The following KCNQ3 variants were observed in gnomAD, a reference collection of about 807,000 sequenced individuals.
KCNQ3 encodes the protein potassium voltage-gated channel subfamily KQT member 3.
KCNQ3 carries 30 observed loss-of-function variants against 92.5 expected under a neutral mutation model. The ratio of observed to expected loss-of-function variants is 0.32; its 90% CI spans 0.24 to 0.44. The LOEUF (loss-of-function observed/expected upper bound fraction) is 0.44. KCNQ3 is among the 20% of genes least tolerant of loss of function. The pLI, the probability that KCNQ3 is intolerant of heterozygous loss-of-function variation, is 1.00. For missense variants in KCNQ3, 913 were observed against 1,140.3 expected (o/e 0.80, Z 2.87); for synonymous variants, 450 against 468.8 (o/e 0.96, Z 0.52).
chr8:132,189,102 C>T lies in KCNQ3; in HGVS notation c.387-2921G>A, dbSNP rs77797895. On this transcript the variant is annotated intron_variant, in intron 1 of 14. Transcript: ENST00000388996. ...GCTGCTTCCCCACATCCAGGCTGGT[C>T]GTAGGAATGACAGAACTTCCTCAAA... Among the ~76,000 whole-genome samples the T allele has an allele frequency of 3.9e-5, 6 of 152,268 alleles. No individual in the cohort carries two copies. In the South Asian group the frequency reaches 1.0e-3, roughly 26 times the overall value.
chr8:132,141,797 T>C (rs1296649490), intron 9 of KCNQ3, among the ~76,000 whole-genome samples: 1 of 152,198 alleles, frequency 6.6e-6, no homozygotes, highest in Non-Finnish European at 1.5e-5. Context: ...GCAGCACTCT[T>C]AATTTGGTGT....
chr8:132,346,547 C>T lies in KCNQ3; in HGVS notation c.386+133600G>A, dbSNP rs1381691567. Among the ~76,000 whole-genome samples the T allele has an allele frequency of 8.5e-5, 13 of 152,296 alleles. No homozygotes were observed. The East Asian group carries it at 1.9e-3, about 23-fold the overall frequency. On this transcript the variant is annotated intron_variant, in intron 1 of 14. Transcript: ENST00000388996. ...CACCACTCTCCATCACAGCTAAAAG[C>T]TTGCCTTGCCATTTCTTTGCCCTCT...
At chr8:132,136,861 ACT>A (rs1491284439) in intron 12 of KCNQ3, among the ~76,000 whole-genome samples, 9 of 138,444 alleles carry the variant, frequency 6.5e-5, no homozygotes, top group Non-Finnish European at 1.1e-4. Flanking sequence ...CGGCTGCATA[ACT>A]TTTTTTTTTT....
chr8:132,438,125 ATTC>A lies in KCNQ3; in HGVS notation c.386+42019_386+42021del, dbSNP rs781492456. Among the ~76,000 whole-genome samples the A allele has an allele frequency of 1.9e-4, 29 of 152,368 alleles. No individual in the cohort carries two copies. In the Middle Eastern group the frequency reaches 0.017, roughly 89 times the overall value. On this transcript the variant is annotated intron_variant, in intron 1 of 14. Coordinates refer to ENST00000388996, the MANE Select transcript of KCNQ3 (RefSeq NM_004519.4). ...TTTGTAAGGACTCAATTATTAGGTGATTCTTCTTATGAGAAATACATTTAGGAA... is the reference window on the plus strand; with the variant it reads ...TTTGTAAGGACTCAATTATTAGGTGATTCTTATGAGAAATACATTTAGGAA...
chr8:132,183,935 C>A (rs1379533062), intron 3 of KCNQ3, among the ~76,000 whole-genome samples: 1 of 152,136 alleles, frequency 6.6e-6, no homozygotes, highest in African/African-American at 2.4e-5. Flanking sequence ...ACTCCAGGGA[C>A]TGGGGATGCT....
In KCNQ3 at chr8:132,124,124, G is replaced by C. The variant is rs964178850; in HGVS notation, c.*5138C>G. The C allele has an allele frequency of 6.6e-6, 1 of 152,148 alleles. No individual in the cohort carries two copies. The highest frequency in any genetic ancestry group is 1.5e-5 in the Non-Finnish European group (1 of 68,036). 9.4% of individuals were successfully genotyped at this position (152,148 alleles called of 1,614,324 possible). On this transcript the variant is annotated 3_prime_UTR_variant, in exon 15 of 15. Transcript: ENST00000388996. ...TCAGCCACTGAGATCCAACATTCCTGCCTCTCTTCATTCCAAGATTCCTTC... is the reference window on the plus strand; with the variant it reads ...TCAGCCACTGAGATCCAACATTCCTCCCTCTCTTCATTCCAAGATTCCTTC...
intron 1 of KCNQ3, among the ~76,000 whole-genome samples, chr8:132,205,017 A>G (rs1813612094): frequency 6.6e-6 from 1 of 152,176 alleles, no homozygotes; most frequent in East Asian, 1.9e-4. Flanking sequence ...AGGAAAGCTG[A>G]TCCTGGAAGC....
chr8:132,434,542 C>A (rs1015400877), intron 1 of KCNQ3, among the ~76,000 whole-genome samples: 1 of 152,142 alleles, frequency 6.6e-6, no homozygotes, highest in Non-Finnish European at 1.5e-5. Flanking sequence ...TGTGGTCAAC[C>A]TTCTCAGGTA....
intron 9 of KCNQ3, among the ~76,000 whole-genome samples, chr8:132,154,365 G>A (rs62519567): frequency 0.05 from 7,643 of 151,892 alleles, 313 homozygotes; most frequent in Non-Finnish European, 0.074. Context: ...TTCAGGCCAT[G>A]AAACTCCAGT....
intron 1 of KCNQ3, among the ~76,000 whole-genome samples, chr8:132,354,752 T>C (rs1351748621): frequency 6.6e-6 from 1 of 152,264 alleles, no homozygotes; most frequent in African/African-American, 2.4e-5. Context: ...TTCTGCCATA[T>C]AGATCTTGGA....
chr8:132,215,951 C>A (rs1814016921), intron 1 of KCNQ3, among the ~76,000 whole-genome samples: 2 of 152,114 alleles, frequency 1.3e-5, no homozygotes, highest in Non-Finnish European at 2.9e-5. Flanking sequence ...TTTTTGGGAA[C>A]TCAACGTAAG....
intron 1 of KCNQ3, among the ~76,000 whole-genome samples, chr8:132,216,347 C>T (rs1003818814): frequency 2.0e-5 from 3 of 152,212 alleles, no homozygotes; most frequent in Non-Finnish European, 2.9e-5. Flanking sequence ...AAGTGCTGTG[C>T]ACCAGGGCTG....
chr8:132,207,386 G>A lies in KCNQ3; in HGVS notation c.387-21205C>T, dbSNP rs115269471. Among the ~76,000 whole-genome samples, 321 of 152,246 alleles carry A rather than the reference G, an allele frequency of 2.1e-3. 1 individual carries two copies. Among genetic ancestry groups the A allele is most frequent in the African/African-American group, 7.1e-3 (296 of 41,548 alleles). On this transcript the variant is annotated intron_variant, in intron 1 of 14. Transcript: ENST00000388996. ...CACCTGGAATTTGCATTTTAATAGC[G>A]AATAAAGCATTGTGCCAAAGGACTA...
At chr8:132,340,472 G>A (rs886694194) in intron 1 of KCNQ3, among the ~76,000 whole-genome samples, 4 of 152,194 alleles carry the variant, frequency 2.6e-5, no homozygotes, top group Non-Finnish European at 5.9e-5. Flanking sequence ...GGACATGGAT[G>A]AAGCTGGAAG....
At chr8:132,314,026 C>T (rs1473293563) in intron 1 of KCNQ3, among the ~76,000 whole-genome samples, 1 of 152,132 alleles carries the variant, frequency 6.6e-6, no homozygotes, top group Admixed American at 6.5e-5. Flanking sequence ...AGCACAGAGT[C>T]AGGTAAGTTG....
intron 1 of KCNQ3, among the ~76,000 whole-genome samples, chr8:132,355,451 A>C (rs147867479): frequency 4.2e-4 from 64 of 151,594 alleles, no homozygotes; most frequent in Non-Finnish European, 8.5e-4. Flanking sequence ...AGAATAGTTC[A>C]CTCTCTGTCA....
chr8:132,214,334 A>G (rs1414793280), intron 1 of KCNQ3, among the ~76,000 whole-genome samples: 3 of 152,178 alleles, frequency 2.0e-5, no homozygotes, highest in Non-Finnish European at 4.4e-5. Flanking sequence ...AACCAAGCCA[A>G]TATTTCTCTC....
intron 9 of KCNQ3, among the ~76,000 whole-genome samples, chr8:132,157,838 C>T (rs1825853447): frequency 6.6e-6 from 1 of 152,058 alleles, no homozygotes; most frequent in Non-Finnish European, 1.5e-5. Context: ...TGCCCCCCAT[C>T]CACCGACAGG....
At chr8:132,467,907 C>T (rs533142841) in intron 1 of KCNQ3, among the ~76,000 whole-genome samples, 5 of 152,230 alleles carry the variant, frequency 3.3e-5, no homozygotes, top group East Asian at 1.9e-4. Context: ...AATGGATGCC[C>T]GCCTTGCACG....
Sources: allele counts gnomAD v4.1 joint callset (sites outside exome capture counted in the v4.1 genomes callset), GRCh38; gene constraint gnomAD v4.1.1; transcripts MANE v1.5; gene names NCBI Gene and HGNC (gene_info 2026-07-23, HGNC 2026-07-21).